CSMD3: variants seen among roughly 807,000 people sequenced by gnomAD.
CSMD3 encodes the protein CUB and sushi domain-containing protein 3.
CSMD3 carries 177 observed loss-of-function variants against 435.2 expected under a neutral mutation model. That is an observed-to-expected ratio of 0.41 (90% CI 0.36 to 0.46). The LOEUF (loss-of-function observed/expected upper bound fraction) is 0.46. CSMD3 is among the 20% of genes least tolerant of loss of function. CSMD3 has a pLI of 0.34. For synonymous variants in CSMD3, 1,656 were observed against 1,520.5 expected (o/e 1.09, Z -2.07); for missense variants, 4,265 against 4,504.6 (o/e 0.95, Z 1.52).
intron 38 of CSMD3, among the ~76,000 whole-genome samples, chr8:112,373,991 A>G (rs1453599079): frequency 6.6e-6 from 1 of 152,188 alleles, no homozygotes; most frequent in Non-Finnish European, 1.5e-5. Flanking sequence ...TTAGCAATGC[A>G]GCCAAAAATG....
intron 31 of CSMD3, among the ~76,000 whole-genome samples, chr8:112,473,427 T>C (rs1198406749): frequency 6.6e-6 from 1 of 152,118 alleles, no homozygotes; most frequent in Admixed American, 6.6e-5. Context: ...GGATGGTAAC[T>C]GGTATTCTTT....
At chr8:112,402,720 G>T (rs991301868) in intron 35 of CSMD3, among the ~76,000 whole-genome samples, 1 of 152,044 alleles carries the variant, frequency 6.6e-6, no homozygotes, top group Non-Finnish European at 1.5e-5. Context: ...TACAGAAAAA[G>T]ATTTAAAAAT....
chr8:112,669,684 C>G (rs1210150069), intron 16 of CSMD3, among the ~76,000 whole-genome samples: 1 of 152,140 alleles, frequency 6.6e-6, no homozygotes, highest in Non-Finnish European at 1.5e-5. Context: ...ATTCATTCAT[C>G]TTTTATTCAT....
At chr8:112,343,889 T>C (rs1825415798) in intron 41 of CSMD3, among the ~76,000 whole-genome samples, 1 of 151,944 alleles carries the variant, frequency 6.6e-6, no homozygotes, top group Non-Finnish European at 1.5e-5. Context: ...ATTATTTATT[T>C]ATTTATTTTT....
Position 112,997,041 on chromosome 8 carries a change from A to G in CSMD3, c.1031-20893T>C, listed in dbSNP as rs1235495707. 1.5e-4 allele frequency among the ~76,000 whole-genome samples: 23 copies of G among 151,518 alleles called. No individual in the cohort carries two copies. The Admixed American group carries it at 1.5e-3, about 10-fold the overall frequency. On this transcript the variant is annotated intron_variant, in intron 6 of 70. Coordinates refer to ENST00000297405, the MANE Select transcript of CSMD3 (RefSeq NM_198123.2). ...TTCAGGGTACTGATTAGTGTCTATG[A>G]ATGCTGTACTTATTAATTTGTAAAA... is the stretch of plus-strand genomic sequence containing the variant.
At chr8:112,922,715 A>T (rs1207329785) in intron 9 of CSMD3, among the ~76,000 whole-genome samples, 1 of 152,024 alleles carries the variant, frequency 6.6e-6, no homozygotes, top group African/African-American at 2.4e-5. Context: ...CATACATTTT[A>T]TGGCTAAATA....
chr8:113,296,985 C>T (rs2093727613), intron 2 of CSMD3, among the ~76,000 whole-genome samples: 1 of 152,114 alleles, frequency 6.6e-6, no homozygotes, highest in Non-Finnish European at 1.5e-5. Flanking sequence ...GATACAGGGT[C>T]ATGCTACTTT....
intron 12 of CSMD3, among the ~76,000 whole-genome samples, chr8:112,820,000 T>A (rs997608811): frequency 1.3e-5 from 2 of 152,216 alleles, no homozygotes; most frequent in South Asian, 4.1e-4. Context: ...AATTTTGGCA[T>A]CACCTTCTTC....
chr8:112,795,132 A>G (rs1010977474), intron 13 of CSMD3, among the ~76,000 whole-genome samples: 1 of 152,132 alleles, frequency 6.6e-6, no homozygotes, highest in African/African-American at 2.4e-5. Flanking sequence ...TTCCTGACTC[A>G]TTCTTTAATA....
intron 2 of CSMD3, among the ~76,000 whole-genome samples, chr8:113,288,779 C>G (rs377109945): frequency 6.6e-6 from 1 of 151,664 alleles, no homozygotes; most frequent in South Asian, 2.1e-4. Context: ...AAAATTCATT[C>G]TGCTGCTTAT....
chr8:113,312,538 A>T (rs1449239103), intron 2 of CSMD3: 2 of 152,332 alleles, frequency 1.3e-5, no homozygotes, highest in Non-Finnish European at 1.5e-5. Context: ...AGTTGTTTAG[A>T]AAAGCAGGAA....
intron 2 of CSMD3, among the ~76,000 whole-genome samples, chr8:113,308,924 G>C (rs558622383): frequency 6.6e-6 from 1 of 152,040 alleles, no homozygotes; most frequent in African/African-American, 2.4e-5. Context: ...TTTCTTTACG[G>C]CAGATGTTTT....
rs774495562 is a variant in CSMD3, at chr8:113,115,004, A to G, written c.710-16041T>C. Reference sequence around the variant, plus strand: ...GATGCCTACTTTCGTTACTTAAACCATAGTCCTTGCACCCTTCCCTGTACC... The same window carrying G: ...GATGCCTACTTTCGTTACTTAAACCGTAGTCCTTGCACCCTTCCCTGTACC... On this transcript the variant is annotated intron_variant, in intron 4 of 70. Transcript: ENST00000297405. Among the ~76,000 whole-genome samples, 26 of 152,218 alleles carry G rather than the reference A, an allele frequency of 1.7e-4. 1 individual carries two copies. The highest frequency in any genetic ancestry group is 4.1e-4 in the South Asian group (2 of 4,832).
intron 22 of CSMD3, among the ~76,000 whole-genome samples, chr8:112,619,658 G>A (rs1407739352): frequency 6.6e-6 from 1 of 152,010 alleles, no homozygotes. Flanking sequence ...ATCCATTTGT[G>A]TTCCTAAGGC....
At chr8:112,361,025 A>T (rs1827145777) in intron 38 of CSMD3, among the ~76,000 whole-genome samples, 1 of 151,954 alleles carries the variant, frequency 6.6e-6, no homozygotes, top group African/African-American at 2.4e-5. Context: ...ATTATTTTTC[A>T]CCTCTTTATA....
intron 1 of CSMD3, among the ~76,000 whole-genome samples, chr8:113,409,718 C>T (rs1023578376): frequency 2.0e-5 from 3 of 152,068 alleles, no homozygotes; most frequent in Admixed American, 6.5e-5. Context: ...TGGTCACTTC[C>T]GCTAACAGAG....
At chr8:112,995,609 A>G in intron 6 of CSMD3, among the ~76,000 whole-genome samples, 1 of 151,424 alleles carries the variant, frequency 6.6e-6, no homozygotes, top group East Asian at 1.9e-4. Context: ...TTTAAGTCCT[A>G]AATAATTATG....
At chr8:112,943,480 G>A (rs2083513747) in intron 9 of CSMD3, among the ~76,000 whole-genome samples, 1 of 151,618 alleles carries the variant, frequency 6.6e-6, no homozygotes. Context: ...CCAAAAACCA[G>A]TGTGACTTTC....
chr8:112,388,478 T>C (rs1386114428), intron 36 of CSMD3, among the ~76,000 whole-genome samples: 1 of 152,190 alleles, frequency 6.6e-6, no homozygotes, highest in Non-Finnish European at 1.5e-5. Context: ...AATTTCATTG[T>C]ACCGAGTAAG....
Sources: gnomAD v4.1 joint callset for allele counts (sites outside exome capture counted in the v4.1 genomes callset) on GRCh38, gnomAD v4.1.1 for gene constraint, MANE v1.5 for transcripts, NCBI Gene and HGNC (gene_info 2026-07-23, HGNC 2026-07-21) for gene names.